Variants in RMST observed in about 807,000 individuals in gnomAD.
RMST encodes the protein rhabdomyosarcoma 2 associated transcript.
At chr12:97,465,668 C>G (rs1475394755) in exon 5 of RMST, 1 of 151,984 alleles carries the variant, frequency 6.6e-6, no homozygotes, top group African/African-American at 2.4e-5. Context: ...AATCGGCCAG[C>G]GCTGAATATC....
chr12:97,511,547 G>T (rs1183420317), intron 10 of RMST, among the ~76,000 whole-genome samples: 2 of 152,118 alleles, frequency 1.3e-5, no homozygotes, highest in Admixed American at 6.5e-5. Context: ...AACTGCATAA[G>T]GTAGTGAAAG....
intron 10 of RMST, among the ~76,000 whole-genome samples, chr12:97,511,385 GT>G (rs1421846515): frequency 2.0e-5 from 3 of 152,148 alleles, no homozygotes; most frequent in Admixed American, 6.5e-5. Context: ...CTGACCACAA[GT>G]GATCCACCTG....
chr12:97,541,486 A>C lies in RMST; in HGVS notation n.1545+10627A>C, dbSNP rs989169887. The C allele has an allele frequency of 4.0e-5, 6 of 151,808 alleles. No individual in the cohort carries two copies. In the East Asian group the frequency reaches 9.7e-4, roughly 24 times the overall value. The allele number at this position is 151,808 out of a possible 1,614,324, so 9.4% of individuals were successfully genotyped here. ...CAGGTTTCAAAAGGTGGATAGAATT[A>C]GTTTCTCCTCGGTAAACATTTATTA... On this transcript the variant is annotated intron_variant and non_coding_transcript_variant, in intron 11 of 13. Coordinates refer to ENST00000640149, the Ensembl canonical transcript of RMST.
intron 11 of RMST, among the ~76,000 whole-genome samples, chr12:97,543,559 G>A (rs939676874): frequency 6.6e-6 from 1 of 151,926 alleles, no homozygotes; most frequent in Non-Finnish European, 1.5e-5. Flanking sequence ...GCTGAAGCTG[G>A]CATAATATGG....
At chr12:97,522,352 T>A (rs1026299792) in intron 10 of RMST, among the ~76,000 whole-genome samples, 2 of 152,224 alleles carry the variant, frequency 1.3e-5, no homozygotes, top group African/African-American at 2.4e-5. Context: ...TCCATGATTC[T>A]TCCTAAATGT....
At chr12:97,556,501 G>T (rs1177538732) in intron 11 of RMST, among the ~76,000 whole-genome samples, 1 of 152,146 alleles carries the variant, frequency 6.6e-6, no homozygotes, top group Non-Finnish European at 1.5e-5. Context: ...AAATTAAAAA[G>T]CTTGTCTTAC....
chr12:97,471,166 G>T (rs1453693541), intron 5 of RMST, among the ~76,000 whole-genome samples: 1 of 152,048 alleles, frequency 6.6e-6, no homozygotes, highest in Non-Finnish European at 1.5e-5. Flanking sequence ...CTGCTGTAAG[G>T]CTGTTTTACT....
At chr12:97,557,736 T>A (rs1478225567) in intron 11 of RMST, among the ~76,000 whole-genome samples, 3 of 152,114 alleles carry the variant, frequency 2.0e-5, no homozygotes, top group African/African-American at 4.8e-5. Flanking sequence ...TTGCTGGGTG[T>A]GCTTAGAGTT....
chr12:97,508,642 T>C (rs915686608), intron 10 of RMST, among the ~76,000 whole-genome samples: 4 of 152,226 alleles, frequency 2.6e-5, no homozygotes, highest in Non-Finnish European at 5.9e-5. Flanking sequence ...GGCATCAGTC[T>C]GCCCAGGGTG....
At chr12:97,513,772 T>A (rs999031361) in intron 10 of RMST, among the ~76,000 whole-genome samples, 4 of 152,298 alleles carry the variant, frequency 2.6e-5, no homozygotes, top group Admixed American at 6.5e-5. Flanking sequence ...CTTGGGAAGA[T>A]AATGCCATGA....
chr12:97,554,940 G>T (rs1037909558), intron 11 of RMST, among the ~76,000 whole-genome samples: 5 of 152,160 alleles, frequency 3.3e-5, no homozygotes, highest in African/African-American at 9.7e-5. Context: ...GCAGGCAGCT[G>T]GGTCTCAGGG....
At chr12:97,539,608 A>G (rs2136616819) in intron 11 of RMST, among the ~76,000 whole-genome samples, 1 of 151,758 alleles carries the variant, frequency 6.6e-6, no homozygotes, top group African/African-American at 2.4e-5. Context: ...CTATCATGAG[A>G]TTATCTAAAT....
intron 11 of RMST, among the ~76,000 whole-genome samples, chr12:97,541,897 A>T (rs1372289234): frequency 6.6e-6 from 1 of 151,928 alleles, no homozygotes; most frequent in Non-Finnish European, 1.5e-5. Context: ...ATAGGAACAT[A>T]AAACGTGCAA....
intron 5 of RMST, among the ~76,000 whole-genome samples, chr12:97,488,268 C>G (rs1460249962): frequency 6.6e-6 from 1 of 152,190 alleles, no homozygotes; most frequent in Non-Finnish European, 1.5e-5. Context: ...ATCCCAGCTA[C>G]TCAGAAGGCT....
chr12:97,495,159 G>A (rs1877250300), intron 9 of RMST, among the ~76,000 whole-genome samples: 1 of 122,952 alleles, frequency 8.1e-6, no homozygotes, highest in Non-Finnish European at 1.7e-5. Context: ...TATAAATTAT[G>A]TACATCATTA....
intron 11 of RMST, among the ~76,000 whole-genome samples, chr12:97,552,389 T>G (rs952021737): frequency 3.9e-5 from 6 of 152,222 alleles, no homozygotes; most frequent in African/African-American, 1.4e-4. Context: ...CATTGTCTTT[T>G]AAAGAAATCA....
chr12:97,512,830 G>C (rs1270894800), intron 10 of RMST, among the ~76,000 whole-genome samples: 1 of 152,254 alleles, frequency 6.6e-6, no homozygotes, highest in Non-Finnish European at 1.5e-5. Context: ...GCGCAGTGGA[G>C]CAGGGGGCGG....
chr12:97,512,187 C>A (rs960695521), intron 10 of RMST, among the ~76,000 whole-genome samples: 1 of 151,858 alleles, frequency 6.6e-6, no homozygotes, highest in Non-Finnish European at 1.5e-5. Context: ...GCGAGTGTTA[C>A]AGCTCTTAAG....
intron 5 of RMST, among the ~76,000 whole-genome samples, chr12:97,466,328 G>C (rs1427926303): frequency 1.3e-5 from 2 of 152,092 alleles, no homozygotes; most frequent in Non-Finnish European, 2.9e-5. Flanking sequence ...TATTAACTCT[G>C]GGGTTTTACA....
Sources: allele counts gnomAD v4.1 joint callset (sites outside exome capture counted in the v4.1 genomes callset), GRCh38; gene constraint gnomAD v4.1.1; transcripts MANE v1.5; gene names NCBI Gene and HGNC (gene_info 2026-07-23, HGNC 2026-07-21).